BDP1: variants seen among roughly 807,000 people sequenced by gnomAD.
BDP1 encodes transcription factor TFIIIB component B'' homolog.
A neutral mutation model predicts 266.6 loss-of-function variants in BDP1; 169 were observed. The observed-to-expected ratio is 0.63, with a 90% CI of 0.56 to 0.72. The LOEUF (loss-of-function observed/expected upper bound fraction) is 0.72. Among genes scored for constraint, BDP1 ranks in the 30% least tolerant of loss-of-function variants. BDP1 has a pLI of 0.00. For synonymous variants in BDP1, 1,090 were observed against 1,022.4 expected (o/e 1.07, Z -1.26); for missense variants, 3,015 against 3,053.8 (o/e 0.99, Z 0.30).
At chr5:71,555,239 T>C (rs1743131288) in intron 35 of BDP1, among the ~76,000 whole-genome samples, 1 of 152,180 alleles carries the variant, frequency 6.6e-6, no homozygotes, top group African/African-American at 2.4e-5. Context: ...GCCAAGTTAA[T>C]TTTCCTCATA....
chr5:71,479,771 C>T (rs912949793), intron 7 of BDP1, among the ~76,000 whole-genome samples: 5 of 152,036 alleles, frequency 3.3e-5, no homozygotes, highest in Admixed American at 2.0e-4. Flanking sequence ...TGGTCTCGAT[C>T]TCCTGACCTC....
rs543590924 is a variant in BDP1, at chr5:71,550,575, T to C, written c.6995+969T>C. On this transcript the variant is annotated intron_variant, in intron 34 of 38. Transcript: ENST00000358731. Reference sequence around the variant, plus strand: ...CCTTGGCCTCCCAAAGTGCTGAGATTACAGGCATGAGCCACTGTGCCCAGC... The same window carrying C: ...CCTTGGCCTCCCAAAGTGCTGAGATCACAGGCATGAGCCACTGTGCCCAGC... Among the ~76,000 whole-genome samples the C allele has an allele frequency of 3.5e-3, 535 of 152,298 alleles. 1 individual carries two copies. Among genetic ancestry groups the C allele is most frequent in the Non-Finnish European group, 4.9e-3 (330 of 68,016 alleles).
intron 30 of BDP1, among the ~76,000 whole-genome samples, chr5:71,543,188 G>A (rs1192931814): frequency 2.0e-5 from 3 of 152,164 alleles, no homozygotes. Flanking sequence ...GGCTGAGGTG[G>A]GAGTATCACC....
chr5:71,573,872 A>T, the BDP1 span, among the ~76,000 whole-genome samples: 11 of 152,224 alleles, frequency 7.2e-5, no homozygotes, highest in Non-Finnish European at 1.6e-4. Context: ...TTCACATATC[A>T]TGCAAGGGTT....
intron 5 of BDP1, 49 bp downstream of exon 5, chr5:71,466,270 A>G (rs775212161): frequency 6.2e-7 from 1 of 1,606,474 alleles, no homozygotes; most frequent in Non-Finnish European, 8.5e-7. Flanking sequence ...GAGAACAAAC[A>G]TGCTTTGTCT....
chr5:71,508,122 G>A (rs567413352), intron 16 of BDP1, among the ~76,000 whole-genome samples: 83 of 151,936 alleles, frequency 5.5e-4, no homozygotes, highest in Middle Eastern at 6.8e-3. Context: ...GTGCCACCAC[G>A]CCCTGCTAAT....
chr5:71,570,984 CATAAAA>C (rs567061106), downstream of BDP1, among the ~76,000 whole-genome samples: 72 of 152,096 alleles, frequency 4.7e-4, 1 homozygote, highest in South Asian at 4.4e-3. Context: ...AAAAATAAAA[CATAAAA>C]ATAACAATAC....
chr5:71,471,708 C>T (rs553899806), intron 7 of BDP1, among the ~76,000 whole-genome samples: 6 of 152,296 alleles, frequency 3.9e-5, no homozygotes, highest in Admixed American at 3.9e-4. Context: ...ATTTGAGTGT[C>T]ATCACACTAT....
At chr5:71,490,104 T>C (rs1484388792) in intron 10 of BDP1, among the ~76,000 whole-genome samples, 2 of 152,192 alleles carry the variant, frequency 1.3e-5, no homozygotes, top group African/African-American at 2.4e-5. Flanking sequence ...CTTTTTCTTT[T>C]TTACTCTTTG....
At chr5:71,516,729 T>C (rs1050476131) in intron 21 of BDP1, among the ~76,000 whole-genome samples, 8 of 152,322 alleles carry the variant, frequency 5.3e-5, no homozygotes, top group African/African-American at 1.9e-4. Context: ...ACATGCTGTT[T>C]TGAGTAACAG....
chr5:71,522,384 A>T lies in BDP1; in HGVS notation c.5087A>T (p.Lys1696Ile). ...AATTTGGGAAGAGCACACAGTAAGA[A>T]AGAGGAACCAGTTTTAGAAAAAGTC... is the stretch of plus-strand genomic sequence containing the variant. ...KPNLGRAHSK[K>I]EEPVLEKVTT... Residue 1696 changes from lysine to isoleucine, a missense_variant, in exon 23 of 39, where the codon AAA becomes ATA. Around this residue, in one of 3 missense-constraint regions of BDP1, gnomAD observed 2,383 missense variants for 2,404.9 expected, o/e 0.99. Transcript: ENST00000358731. 6.2e-7 allele frequency: 1 copy of T among 1,614,068 alleles called. No homozygotes were observed. The highest frequency in any genetic ancestry group is 8.5e-7 in the Non-Finnish European group (1 of 1,179,986).
chr5:71,513,863 C>T (rs1765080296), intron 19 of BDP1, among the ~76,000 whole-genome samples: 1 of 151,828 alleles, frequency 6.6e-6, no homozygotes, highest in Non-Finnish European at 1.5e-5. Context: ...GGACTACAGG[C>T]GCGTGCTGCC....
In BDP1 at chr5:71,497,252, A is replaced by G. The variant is rs1481220962; in HGVS notation, c.1800-18A>G. On this transcript the variant is annotated intron_variant, in intron 12 of 38. Transcript: ENST00000358731. ...TGACTGCATGTTTGATGCTATTTAA[A>G]TAATGTTAATTTTTCAGGGAAATTG... The G allele has an allele frequency of 6.2e-7, 1 of 1,609,036 alleles. No homozygotes were observed. Among genetic ancestry groups the G allele is most frequent in the South Asian group, 1.1e-5 (1 of 90,628 alleles).
intron 6 of BDP1, among the ~76,000 whole-genome samples, chr5:71,469,259 C>T (rs1209646445): frequency 6.6e-6 from 1 of 151,948 alleles, no homozygotes; most frequent in East Asian, 1.9e-4. Flanking sequence ...CTTCCTCAGT[C>T]TCCCGAGTAG....
intron 12 of BDP1, among the ~76,000 whole-genome samples, chr5:71,496,417 T>C (rs187796571): frequency 2.1e-4 from 32 of 149,432 alleles, no homozygotes; most frequent in Admixed American, 2.1e-4. Flanking sequence ...CACACACACA[T>C]ACACATTTAA....
At chr5:71,518,342 G>A (rs115753709) in intron 22 of BDP1, among the ~76,000 whole-genome samples, 1 of 152,320 alleles carries the variant, frequency 6.6e-6, no homozygotes, top group Admixed American at 6.5e-5. Context: ...GAAATGCAGA[G>A]GAGATGTTAT....
At chr5:71,533,368 A>G (rs1368400212) in intron 26 of BDP1, among the ~76,000 whole-genome samples, 1 of 151,988 alleles carries the variant, frequency 6.6e-6, no homozygotes, top group Non-Finnish European at 1.5e-5. Flanking sequence ...TTTCCAAAGT[A>G]GCTATACCCT....
At chr5:71,530,619 A>G (rs935502858) in intron 25 of BDP1, among the ~76,000 whole-genome samples, 16 of 152,056 alleles carry the variant, frequency 1.1e-4, no homozygotes, top group African/African-American at 3.9e-4. Flanking sequence ...TCCTAGGCTC[A>G]AGCGACCCTC....
intron 25 of BDP1, among the ~76,000 whole-genome samples, chr5:71,526,223 G>A (rs1484179133): frequency 2.6e-5 from 4 of 152,202 alleles, no homozygotes; most frequent in Middle Eastern, 3.2e-3. Flanking sequence ...GATCACTCGC[G>A]GTTAGGAGCT....
Sources: allele counts gnomAD v4.1 joint callset (sites outside exome capture counted in the v4.1 genomes callset), GRCh38; gene constraint gnomAD v4.1.1; regional missense constraint gnomAD v4.1.1; transcripts MANE v1.5; gene names NCBI Gene and HGNC (gene_info 2026-07-23, HGNC 2026-07-21).